Variants in ZBTB38 observed in about 807,000 individuals in gnomAD.
ZBTB38 encodes the protein zinc finger and BTB domain containing 38.
A neutral mutation model predicts 76.8 loss-of-function variants in ZBTB38; 20 were observed. The ratio of observed to expected loss-of-function variants is 0.26; its 90% CI spans 0.18 to 0.38. The LOEUF (loss-of-function observed/expected upper bound fraction) is 0.38, where lower values mean the gene tolerates loss of function less well. Among genes scored for constraint, ZBTB38 ranks in the 10% least tolerant of loss-of-function variants. The pLI is 1.00. For missense variants in ZBTB38, 1,082 were observed against 1,482.3 expected, an observed-to-expected ratio of 0.73 and a Z score of 4.43; for synonymous variants, 504 against 544.2, an observed-to-expected ratio of 0.93 and a Z score of 1.03.
At chr3:141,392,339 A>G (rs952857743) in intron 4 of ZBTB38, among the ~76,000 whole-genome samples, 19 of 152,186 alleles carry the variant, frequency 1.2e-4, no homozygotes, top group African/African-American at 3.9e-4. Flanking sequence ...TTTGTTGAGC[A>G]TCTGCTATGT....
At position 141,353,559 on chromosome 3, in the gene ZBTB38, G is replaced by T. The variant is rs573051410; in HGVS notation, c.-738-15062G>T. Among the ~76,000 whole-genome samples, 30 of 152,194 alleles carry T rather than the reference G, an allele frequency of 2.0e-4. 1 individual carries two copies. Among genetic ancestry groups the T allele is most frequent in the African/African-American group, 4.1e-4 (17 of 41,508 alleles). On this transcript the variant is annotated intron_variant, in intron 1 of 7. Coordinates refer to the ZBTB38 transcript ENST00000509842. ...CCAGAGGGAAAGGGCATTGGGAAGG[G>T]GGGAAGGGGAGAAGGGGGAAGAAGG...
intron 1 of ZBTB38, among the ~76,000 whole-genome samples, chr3:141,334,879 T>C (rs1276884424): frequency 6.6e-6 from 1 of 152,226 alleles, no homozygotes; most frequent in African/African-American, 2.4e-5. Flanking sequence ...ATTAGCTAGA[T>C]ATGGAAGGCT....
intron 2 of ZBTB38, among the ~76,000 whole-genome samples, chr3:141,372,793 CT>C (rs1328013497): frequency 6.6e-6 from 1 of 152,202 alleles, no homozygotes; most frequent in African/African-American, 2.4e-5. Flanking sequence ...AAGTCCTAGC[CT>C]AACAGAGTCT....
chr3:141,443,504 G>A lies in ZBTB38; in HGVS notation c.1116G>A (p.Val372=), dbSNP rs757594068. The A allele has an allele frequency of 6.8e-6, 11 of 1,614,206 alleles. No homozygotes were observed. Among genetic ancestry groups the A allele is most frequent in the Non-Finnish European group, 9.3e-6 (11 of 1,180,034 alleles). ...QLHKPTQEPL[V]CKYCNKQFTT... is the part of the protein sequence containing the mutation. ...ACAAGCCAACCCAGGAGCCTTTAGT[G>A]TGCAAGTATTGCAACAAACAATTCA... Residue 372 remains valine (V), a synonymous_variant, in exon 6 of 6, where the codon GTG becomes GTA. Coordinates refer to ENST00000321464, the MANE Select transcript of ZBTB38 (RefSeq NM_001376113.1). The surrounding 1 kb of genome is among the most constrained non-coding windows in gnomAD (Gnocchi z 5.6).
At chr3:141,337,893 A>G (rs1054904594) in intron 1 of ZBTB38, among the ~76,000 whole-genome samples, 4 of 152,240 alleles carry the variant, frequency 2.6e-5, no homozygotes, top group Non-Finnish European at 5.9e-5. Context: ...ACACAAACCC[A>G]GGGCTTACTC....
chr3:141,429,740 C>T (rs1268743725), intron 5 of ZBTB38, among the ~76,000 whole-genome samples: 1 of 152,168 alleles, frequency 6.6e-6, no homozygotes, highest in East Asian at 1.9e-4. Flanking sequence ...TGGGGTGGCC[C>T]CTCCGAGGCG....
At position 141,416,751 on chromosome 3, in the gene ZBTB38, A is replaced by T. The variant is rs527914543; in HGVS notation, c.-1+12720A>T. On this transcript the variant is annotated intron_variant, in intron 5 of 5. Coordinates refer to ENST00000321464, the MANE Select transcript of ZBTB38 (RefSeq NM_001376113.1). ...TCCTTATAAGAGACACACAGTAGAG[A>T]CACTTGTAGAAAGGAGAAGGCCATG... Among the ~76,000 whole-genome samples the T allele has an allele frequency of 1.8e-4, 28 of 152,308 alleles. No individual in the cohort carries two copies. The South Asian group carries it at 4.3e-3, about 24-fold the overall frequency.
intron 2 of ZBTB38, among the ~76,000 whole-genome samples, chr3:141,377,905 G>A (rs998035332): frequency 3.3e-5 from 5 of 152,166 alleles, no homozygotes; most frequent in African/African-American, 1.2e-4. Flanking sequence ...ACAGTGATAG[G>A]CCATGCACGG....
intron 2 of ZBTB38, among the ~76,000 whole-genome samples, chr3:141,372,575 C>T (rs961377904): frequency 1.3e-5 from 2 of 151,248 alleles, no homozygotes; most frequent in African/African-American, 4.9e-5. Flanking sequence ...TTGCTTGAAC[C>T]TGGGAGGCAG....
rs1043539014 is a variant in ZBTB38 at position 141,449,675 on chromosome 3, A to G, written c.*3699A>G. On this transcript the variant is annotated 3_prime_UTR_variant, in exon 6 of 6. Transcript: ENST00000321464. ...GTATTGGAAGGGCAATCCAAACCAG[A>G]TTCACCAAAAATTTGATAACTGTTA... 6.6e-6 allele frequency: 1 copy of G among 152,208 alleles called. No homozygotes were observed. Among genetic ancestry groups the G allele is most frequent in the Admixed American group, 6.5e-5 (1 of 15,286 alleles). The allele number at this position is 152,208 out of a possible 1,614,324, so 9.4% of individuals were successfully genotyped here. A position where few individuals can be genotyped will look rare whatever the true frequency, so the allele number is the denominator to read the frequency against.
At chr3:141,399,716 T>C (rs1951276548) in intron 4 of ZBTB38, among the ~76,000 whole-genome samples, 1 of 152,184 alleles carries the variant, frequency 6.6e-6, no homozygotes. Flanking sequence ...CAAGCAGGTT[T>C]AAAAAAGATA....
At chr3:141,429,652 T>C (rs758469141) in intron 5 of ZBTB38, among the ~76,000 whole-genome samples, 1 of 152,126 alleles carries the variant, frequency 6.6e-6, no homozygotes, top group South Asian at 2.1e-4. Flanking sequence ...CGGGTGATAA[T>C]TGCAGGTTGA....
chr3:141,404,305 C>G (rs1183186530), intron 5 of ZBTB38, among the ~76,000 whole-genome samples: 2 of 152,176 alleles, frequency 1.3e-5, no homozygotes, highest in African/African-American at 4.8e-5. Flanking sequence ...CTTCACAGAT[C>G]TCTAGTTTCC....
chr3:141,362,359 C>T (rs1019318533), intron 1 of ZBTB38, among the ~76,000 whole-genome samples: 2 of 152,126 alleles, frequency 1.3e-5, no homozygotes, highest in African/African-American at 4.8e-5. Context: ...TGGGTAGCAA[C>T]CTCTAGACTG....
At chr3:141,407,691 T>C (rs1955047863) in intron 5 of ZBTB38, among the ~76,000 whole-genome samples, 1 of 152,212 alleles carries the variant, frequency 6.6e-6, no homozygotes, top group African/African-American at 2.4e-5. Flanking sequence ...GGCAAGGGAA[T>C]CTGCATTTTA....
At position 141,445,424 on chromosome 3, in the gene ZBTB38, C is replaced by T. The variant is rs774037228; in HGVS notation, c.3036C>T (p.Cys1012=). 11 of 1,614,142 alleles carry T rather than the reference C, an allele frequency of 6.8e-6. No individual in the cohort carries two copies. Among genetic ancestry groups the T allele is most frequent in the East Asian group, 4.5e-5 (2 of 44,874 alleles). Residue 1012 remains cysteine, a synonymous_variant, in exon 6 of 6, where the codon TGC becomes TGT. Transcript: ENST00000321464. The surrounding 1 kb of genome is among the most constrained non-coding windows in gnomAD (Gnocchi z 6.5). The part of the protein sequence containing the change: ...HRHLTSRPYA[C]ELCAKQFQSP... Reference sequence around the variant, plus strand: ...ATCTTACTTCTCGGCCATATGCCTGCGAGCTCTGCGCCAAGCAGTTCCAGA... The same window carrying T: ...ATCTTACTTCTCGGCCATATGCCTGTGAGCTCTGCGCCAAGCAGTTCCAGA...
intron 2 of ZBTB38, among the ~76,000 whole-genome samples, chr3:141,372,986 T>C (rs1944853250): frequency 6.6e-6 from 1 of 152,224 alleles, no homozygotes; most frequent in South Asian, 2.1e-4. Context: ...TCCTGATTTC[T>C]AATTTCTAGC....
intron 5 of ZBTB38, among the ~76,000 whole-genome samples, chr3:141,432,517 AG>A (rs2150567671): frequency 6.6e-6 from 1 of 152,340 alleles, no homozygotes; most frequent in Non-Finnish European, 1.5e-5. Context: ...TGGACTGAAA[AG>A]GTTTACTTAA....
rs144174531 is a variant in ZBTB38 at position 141,409,943 on chromosome 3, G to A, written c.-1+5912G>A. Among the ~76,000 whole-genome samples, 846 of 152,312 alleles carry A rather than the reference G, an allele frequency of 5.6e-3. 9 individuals carry two copies. Among genetic ancestry groups the A allele is most frequent in the African/African-American group, 0.019 (784 of 41,566 alleles). ...CAGAGCCCCTGCAGGGCTGGGTTGGGGTGAGAAGAAAGACATTCGTGAGAA... is the reference window on the plus strand; with the variant it reads ...CAGAGCCCCTGCAGGGCTGGGTTGGAGTGAGAAGAAAGACATTCGTGAGAA... On this transcript the variant is annotated intron_variant, in intron 5 of 5. Coordinates refer to ENST00000321464, the MANE Select transcript of ZBTB38 (RefSeq NM_001376113.1).
Sources: gnomAD v4.1 joint callset for allele counts (sites outside exome capture counted in the v4.1 genomes callset) on GRCh38, gnomAD v4.1.1 for gene constraint, Gnocchi (gnomAD v3.1) non-coding constraint, MANE v1.5 for transcripts, NCBI Gene and HGNC (gene_info 2026-07-23, HGNC 2026-07-21) for gene names.